The following USP30 variants were observed in gnomAD, a reference collection of about 807,000 sequenced individuals.
USP30 encodes the protein ubiquitin specific peptidase 30, also known as ubiquitin carboxyl-terminal hydrolase 30.
In USP30, 41 loss-of-function variants were observed where a neutral mutation model predicts 68.2. The ratio of observed to expected loss-of-function variants is 0.60; its 90% CI spans 0.47 to 0.78. The LOEUF is 0.78. Ranked by LOEUF, USP30 falls within the 30% of genes least tolerant of loss-of-function variation. The pLI, the probability that USP30 is intolerant of heterozygous loss-of-function variation, is 0.00. For synonymous variants in USP30, 229 were observed against 253.7 expected (o/e 0.90, Z 0.93); for missense variants, 522 against 649.4 (o/e 0.80, Z 2.13).
chr12:109,080,272 T>G (rs923510163), intron 7 of USP30, among the ~76,000 whole-genome samples: 1 of 152,206 alleles, frequency 6.6e-6, no homozygotes, highest in Non-Finnish European at 1.5e-5. Flanking sequence ...CACTCAATCC[T>G]GTAGGATGCT....
chr12:109,057,598 G>A (rs970525118), intron 2 of USP30, among the ~76,000 whole-genome samples: 6 of 152,178 alleles, frequency 3.9e-5, no homozygotes, highest in Non-Finnish European at 7.4e-5. Context: ...AGCATGTAGG[G>A]GAGAATGAGG....
chr12:109,027,713 C>T (rs1367294036), intron 3 of USP30, among the ~76,000 whole-genome samples: 1 of 152,210 alleles, frequency 6.6e-6, no homozygotes, highest in African/African-American at 2.4e-5. Context: ...GCTGTAGCAT[C>T]TATCAGAACC....
At chr12:109,034,184 T>C (rs1455593066) in intron 3 of USP30, among the ~76,000 whole-genome samples, 1 of 152,226 alleles carries the variant, frequency 6.6e-6, no homozygotes, top group African/African-American at 2.4e-5. Context: ...GTTTTTATTT[T>C]TACTCAATTT....
chr12:109,082,359 C>G (rs556980563), intron 9 of USP30, among the ~76,000 whole-genome samples: 1 of 152,216 alleles, frequency 6.6e-6, no homozygotes, highest in African/African-American at 2.4e-5. Context: ...GAGTTTTCCC[C>G]TCTGACTCAA....
intron 1 of USP30, among the ~76,000 whole-genome samples, chr12:109,053,248 C>T (rs913797378): frequency 4.6e-5 from 7 of 152,146 alleles, no homozygotes; most frequent in Non-Finnish European, 1.0e-4. Context: ...GTTAGTACCG[C>T]CCCCTATTCC....
chr12:109,052,933 C>T, intron 1 of USP30, 172 bp downstream of exon 1: 1 of 560,760 alleles, frequency 1.8e-6, no homozygotes, highest in Non-Finnish European at 2.8e-6. Flanking sequence ...GGAGGACTGA[C>T]GGGCTCCAGT....
At position 109,085,809 on chromosome 12, in the gene USP30, G is replaced by A. The variant is rs922909933; in HGVS notation, c.1432G>A (p.Asp478Asn). 5 of 1,614,194 alleles carry A rather than the reference G, an allele frequency of 3.1e-6. No homozygotes were observed. The highest frequency in any genetic ancestry group is 4.2e-6 in the Non-Finnish European group (5 of 1,180,028). Residue 478 changes from aspartate to asparagine, a missense_variant, in exon 13 of 13, where the codon GAT (aspartate) becomes AAT (asparagine). By Grantham distance (23) the Asp-to-Asn change is conservative. Coordinates refer to ENST00000257548, the MANE Select transcript of USP30 (RefSeq NM_032663.5). ...TAGCAATCAGTGGCTGTGGGTCTCC[G>A]ATGACACTGTCCGCAAGGCCAGCCT... ...STSNQWLWVS[D>N]DTVRKASLQE...
chr12:109,068,751 AC>A (rs1215000649), intron 4 of USP30, among the ~76,000 whole-genome samples: 3 of 152,160 alleles, frequency 2.0e-5, no homozygotes, highest in African/African-American at 7.2e-5. Context: ...AGTATTTCCA[AC>A]ATCTTCAGCC....
chr12:109,064,593 C>T (rs1460891200), intron 3 of USP30, among the ~76,000 whole-genome samples: 5 of 152,180 alleles, frequency 3.3e-5, no homozygotes, highest in Non-Finnish European at 7.3e-5. Flanking sequence ...TTCACTTTTA[C>T]AGCTGCATAG....
intron 3 of USP30, among the ~76,000 whole-genome samples, chr12:109,045,678 G>A (rs1205297133): frequency 6.6e-6 from 1 of 152,310 alleles, no homozygotes; most frequent in South Asian, 2.1e-4. Context: ...AAACAGGGCA[G>A]TGCATGTAGG....
intron 3 of USP30, among the ~76,000 whole-genome samples, chr12:109,046,457 G>T: frequency 6.7e-6 from 1 of 148,724 alleles, no homozygotes; most frequent in African/African-American, 2.5e-5. Context: ...TCAATTAATT[G>T]GATGAGGCCC....
At chr12:109,043,109 T>C (rs537438790) in intron 3 of USP30, among the ~76,000 whole-genome samples, 2 of 152,118 alleles carry the variant, frequency 1.3e-5, no homozygotes, top group African/African-American at 4.8e-5. Flanking sequence ...GAAGACATAA[T>C]GGAAACACAT....
rs553009958 is a variant in USP30 at position 109,060,903 on chromosome 12, C to T, written c.376+2795C>T. Among the ~76,000 whole-genome samples the T allele has an allele frequency of 5.9e-5, 9 of 152,282 alleles. No individual in the cohort carries two copies. In the South Asian group the frequency reaches 1.9e-3, roughly 32 times the overall value. On this transcript the variant is annotated intron_variant, in intron 3 of 12. Coordinates refer to ENST00000257548, the MANE Select transcript of USP30 (RefSeq NM_032663.5). ...TCAAGTGGTGCACCTGCCTTGGCCT[C>T]CCAAAGTGTTGGGATTACAGGCGTG...
intron 11 of USP30, 44 bp downstream of exon 11, chr12:109,083,106 A>C: frequency 1.3e-6 from 2 of 1,541,520 alleles, no homozygotes; most frequent in Admixed American, 2.0e-5. Flanking sequence ...TTTTCAGCAC[A>C]GAGAAAAGCA....
upstream of USP30, among the ~76,000 whole-genome samples, chr12:109,050,220 G>C (rs554685886): frequency 6.6e-6 from 1 of 152,242 alleles, no homozygotes; most frequent in Admixed American, 6.5e-5. Flanking sequence ...CTTGAACCCG[G>C]GAGGCGGAGC....
At chr12:109,046,510 C>G (rs2040606876) in intron 3 of USP30, among the ~76,000 whole-genome samples, 1 of 151,876 alleles carries the variant, frequency 6.6e-6, no homozygotes, top group African/African-American at 2.4e-5. Flanking sequence ...AAAAGTCCAC[C>G]AATTTAAATG....
chr12:109,085,622 T>C, intron 12 of USP30, 45 bp from the exon 13 acceptor site: 1 of 1,599,220 alleles, frequency 6.3e-7, no homozygotes. Flanking sequence ...TATAAAGTCT[T>C]TTTGTTAAAA....
intron 7 of USP30, among the ~76,000 whole-genome samples, chr12:109,080,818 T>C (rs1244511244): frequency 6.6e-6 from 1 of 152,210 alleles, no homozygotes; most frequent in Non-Finnish European, 1.5e-5. Context: ...GCTTACAGCA[T>C]TCAGTACGGT....
intron 11 of USP30, among the ~76,000 whole-genome samples, chr12:109,083,423 G>A (rs1185417983): frequency 6.6e-6 from 1 of 152,108 alleles, no homozygotes; most frequent in Admixed American, 6.5e-5. Context: ...TAGAGGAAAT[G>A]TAGGGAGGAC....
Sources: gnomAD v4.1 joint callset for allele counts (sites outside exome capture counted in the v4.1 genomes callset) on GRCh38, gnomAD v4.1.1 for gene constraint, MANE v1.5 for transcripts, NCBI Gene and HGNC (gene_info 2026-07-23, HGNC 2026-07-21) for gene names.